DMBX1: variants seen among roughly 807,000 people sequenced by gnomAD.
DMBX1 encodes the protein diencephalon/mesencephalon homeobox 1, also known as diencephalon/mesencephalon homeobox protein 1.
Under a neutral mutation model 30.4 loss-of-function variants are expected in DMBX1, and 7 were observed. The observed-to-expected ratio is 0.23, with a 90% CI of 0.13 to 0.43. The LOEUF is 0.43. Ranked by LOEUF, DMBX1 falls within the 20% of genes least tolerant of loss-of-function variation. The pLI, the probability that DMBX1 is intolerant of heterozygous loss-of-function variation, is 1.00. For missense variants in DMBX1, 460 were observed against 508.5 expected (o/e 0.90, Z 0.92); for synonymous variants, 222 against 214.2 (o/e 1.04, Z -0.32).
rs1424205121 is a variant in DMBX1, at chr1:46,510,608, G to A, written c.287G>A (p.Arg96His). The change falls in exon 4 of 6, where the codon CGT (arginine) becomes CAT (histidine). Residue 96 changes from arginine (R) to histidine (H), a missense_variant. Arg to His is a conservative substitution (Grantham distance 29, BLOSUM62 0). This residue lies in a region of DMBX1 where 124 missense variants were observed against 144.0 expected (regional missense o/e 0.86). Transcript: ENST00000360032. This position sits in a 1 kb window ranked among gnomAD's most constrained non-coding sequence, Gnocchi z 4.1. Reference protein sequence around the residue: ...QKTHYPDVVMRERLAMCTNLP... With the variant: ...QKTHYPDVVMHERLAMCTNLP... ...ACTCACTACCCAGATGTGGTGATGCGTGAGAGGCTGGCCATGTGCACCAAC... is the reference window on the plus strand; with the variant it reads ...ACTCACTACCCAGATGTGGTGATGCATGAGAGGCTGGCCATGTGCACCAAC... 4.3e-6 allele frequency: 7 copies of A among 1,614,104 alleles called. No individual in the cohort carries two copies. Among genetic ancestry groups the A allele is most frequent in the South Asian group, 1.1e-5 (1 of 91,074 alleles).
Position 46,510,322 on chromosome 1 carries a change from AG to A in DMBX1, c.155-150del, listed in dbSNP as rs1666337568. 1 of 871,496 alleles carries A rather than the reference AG, an allele frequency of 1.1e-6. No homozygotes were observed. Among genetic ancestry groups the A allele is most frequent in the South Asian group, 1.8e-5 (1 of 55,760 alleles). The allele number at this position is 871,496 out of a possible 1,614,324, so 54.0% of individuals were successfully genotyped here. ...CTTGAAAGCCCACAGCCATATGGAG[AG>A]GGGATGGCTGATTTCTAAGGGTAAG... On this transcript the variant is annotated intron_variant, in intron 3 of 5. Coordinates refer to ENST00000360032, the MANE Select transcript of DMBX1 (RefSeq NM_172225.2). This position sits in a 1 kb window ranked among gnomAD's most constrained non-coding sequence, Gnocchi z 4.1.
At chr1:46,508,707 A>T (rs1238020244) in intron 3 of DMBX1, among the ~76,000 whole-genome samples, 2 of 152,178 alleles carry the variant, frequency 1.3e-5, no homozygotes, top group Admixed American at 6.5e-5. Context: ...CTTAGGAAGG[A>T]AGGACATGAA....
rs1479420901 is a variant in DMBX1, at chr1:46,512,221, C to T, written c.861C>T (p.Ala287=). The T allele has an allele frequency of 1.2e-6, 2 of 1,614,030 alleles. No individual in the cohort carries two copies. Among genetic ancestry groups the T allele is most frequent in the Non-Finnish European group, 8.5e-7 (1 of 1,179,976 alleles). Reference sequence around the variant, plus strand: ...CGTCCTTCGAAGTAGGGGGTCCGGCCCCTGCTGCTGCAGCGGCGGCTGCTG... The same window carrying T: ...CGTCCTTCGAAGTAGGGGGTCCGGCTCCTGCTGCTGCAGCGGCGGCTGCTG... ...HYSSFEVGGP[A]PAAAAAAAAV... is the part of the protein sequence containing the mutation. The change falls in exon 6 of 6, where the codon GCC becomes GCT. Residue 287 remains alanine (A), a synonymous_variant. Coordinates refer to ENST00000360032, the MANE Select transcript of DMBX1 (RefSeq NM_172225.2). This position sits in a 1 kb window ranked among gnomAD's most constrained non-coding sequence, Gnocchi z 4.8.
chr1:46,494,632 A>C (rs1439668506), intron 2 of DMBX1, among the ~76,000 whole-genome samples: 1 of 152,052 alleles, frequency 6.6e-6, no homozygotes, highest in Non-Finnish European at 1.5e-5. Flanking sequence ...CTGGGCCCCC[A>C]TCCCTGAGCC....
chr1:46,511,119 A>G lies in DMBX1; in HGVS notation c.518A>G (p.Glu173Gly), dbSNP rs1190556564. The change falls in exon 5 of 6, where the codon GAG becomes GGG. Residue 173 changes from glutamate to glycine, a missense_variant. Physicochemically the swap from Glu to Gly is moderately conservative, Grantham distance 98. Transcript: ENST00000360032. ...PRLPGSDPPA[E>G]LHLSLSEQSA... ...CTGCCTGGCAGCGACCCCCCTGCTG[A>G]GCTTCACCTGAGTCTGTCTGAGCAG... 8.7e-6 allele frequency: 14 copies of G among 1,613,892 alleles called. No individual in the cohort carries two copies. The highest frequency in any genetic ancestry group is 1.6e-4 in the Middle Eastern group (1 of 6,082).
In DMBX1 at chr1:46,493,684, A is replaced by G. The variant is rs1419774393; in HGVS notation, c.-13+2901A>G. Among the ~76,000 whole-genome samples the G allele has an allele frequency of 2.0e-5, 3 of 152,226 alleles. No individual in the cohort carries two copies. Among genetic ancestry groups the G allele is most frequent in the Non-Finnish European group, 4.4e-5 (3 of 68,042 alleles). On this transcript the variant is annotated intron_variant, in intron 2 of 5. Coordinates refer to ENST00000360032, the MANE Select transcript of DMBX1 (RefSeq NM_172225.2). The surrounding 1 kb of genome is among the most constrained non-coding windows in gnomAD (Gnocchi z 4.1). Reference sequence around the variant, plus strand: ...CGCTGCTTCCATGAGCCCCGAGGCCACTGGAGCCCACTGGGTTTCCCGGCC... The same window carrying G: ...CGCTGCTTCCATGAGCCCCGAGGCCGCTGGAGCCCACTGGGTTTCCCGGCC...
rs6698196 is a variant in DMBX1, at chr1:46,510,205, T to C, written c.155-271T>C. On this transcript the variant is annotated intron_variant, in intron 3 of 5. Transcript: ENST00000360032. The surrounding 1 kb of genome is among the most constrained non-coding windows in gnomAD (Gnocchi z 4.1). The stretch of plus-strand genomic sequence containing the variant: ...CCTACCCAATCCCAATGCCAAATAA[T>C]GAAGACCCCCCTCAATCATATGCCT... Among the ~76,000 whole-genome samples the C allele has an allele frequency of 0.31, 47,614 of 151,974 alleles. 9,764 individuals carry two copies. Among genetic ancestry groups the C allele is most frequent in the African/African-American group, 0.59 (24,380 of 41,410 alleles).
intron 2 of DMBX1, among the ~76,000 whole-genome samples, chr1:46,499,982 G>A (rs1666093108): frequency 6.6e-6 from 1 of 152,218 alleles, no homozygotes; most frequent in South Asian, 2.1e-4. Flanking sequence ...GGAGAGAGAT[G>A]CCTTGTCAGA....
chr1:46,502,694 C>G (rs141576154), intron 2 of DMBX1, among the ~76,000 whole-genome samples: 1,971 of 152,126 alleles, frequency 0.013, 20 homozygotes, highest in Non-Finnish European at 0.022. Flanking sequence ...TGAGACCAGC[C>G]TGGACAACAT....
At chr1:46,509,301 T>C (rs1390094043) in intron 3 of DMBX1, among the ~76,000 whole-genome samples, 1 of 152,170 alleles carries the variant, frequency 6.6e-6, no homozygotes, top group African/African-American at 2.4e-5. Flanking sequence ...CTCGAACTCC[T>C]GACCTCAGGT....
At chr1:46,508,039 C>T (rs1666274087) in intron 3 of DMBX1, among the ~76,000 whole-genome samples, 1 of 152,070 alleles carries the variant, frequency 6.6e-6, no homozygotes, top group South Asian at 2.1e-4. Flanking sequence ...CCCTGCCAGC[C>T]TCTCGGTGGG....
intron 2 of DMBX1, among the ~76,000 whole-genome samples, chr1:46,495,753 G>A (rs1485004487): frequency 6.6e-6 from 1 of 152,170 alleles, no homozygotes; most frequent in African/African-American, 2.4e-5. Context: ...GGGGATGGCA[G>A]GAGAGGCTTC....
intron 2 of DMBX1, among the ~76,000 whole-genome samples, chr1:46,506,216 C>T (rs891635280): frequency 1.3e-5 from 2 of 152,188 alleles, no homozygotes; most frequent in African/African-American, 4.8e-5. Flanking sequence ...CGCCACCATG[C>T]CCAGCTAATT....
chr1:46,501,296 T>C (rs1666133702), intron 2 of DMBX1, among the ~76,000 whole-genome samples: 4 of 146,930 alleles, frequency 2.7e-5, no homozygotes, highest in Admixed American at 1.4e-4. Flanking sequence ...TCCTTCTCTC[T>C]TTTTTTCTTT....
Position 46,510,757 on chromosome 1 carries a change from C to T in DMBX1, c.333+103C>T. On this transcript the variant is annotated intron_variant, in intron 4 of 5. Coordinates refer to ENST00000360032, the MANE Select transcript of DMBX1 (RefSeq NM_172225.2). The surrounding 1 kb of genome is among the most constrained non-coding windows in gnomAD (Gnocchi z 4.1). ...ATGTCATCCCTGTGCCAAGGTGCAA[C>T]TGATCTCTCCATCAAAGCCTTCAGT... 1 of 1,431,796 alleles carries T rather than the reference C, an allele frequency of 7.0e-7. No individual in the cohort carries two copies. The highest frequency in any genetic ancestry group is 1.4e-5 in the South Asian group (1 of 72,812). 88.7% of individuals were successfully genotyped at this position (1,431,796 alleles called of 1,614,324 possible). A position where few individuals can be genotyped will look rare whatever the true frequency, so the allele number is the denominator to read the frequency against.
At chr1:46,494,254 A>G (rs987529665) in intron 2 of DMBX1, among the ~76,000 whole-genome samples, 3 of 152,158 alleles carry the variant, frequency 2.0e-5, no homozygotes, top group African/African-American at 7.2e-5. Flanking sequence ...AAAAAGCAAC[A>G]AAAAAGTGGC....
chr1:46,489,922 G>C (rs902962325), intron 1 of DMBX1, among the ~76,000 whole-genome samples, 45 bp downstream of exon 1: 1 of 152,192 alleles, frequency 6.6e-6, no homozygotes, highest in Non-Finnish European at 1.5e-5. Context: ...AGTAGTGCGG[G>C]ACAGTCGCTG....
In DMBX1 at chr1:46,510,914, C is replaced by T; in HGVS notation, c.334-21C>T. On this transcript the variant is annotated intron_variant, in intron 4 of 5. Transcript: ENST00000360032. This position sits in a 1 kb window ranked among gnomAD's most constrained non-coding sequence, Gnocchi z 4.1. ...CCACTTCTTTCTTGCCCACCTCGGA[C>T]TGCTCCTTTCCCGTCCCCAGGTGTG... is the stretch of plus-strand genomic sequence containing the variant. 1 of 1,574,106 alleles carries T rather than the reference C, an allele frequency of 6.4e-7. No individual in the cohort carries two copies. Among genetic ancestry groups the T allele is most frequent in the Non-Finnish European group, 8.6e-7 (1 of 1,159,330 alleles).
chr1:46,502,453 C>T (rs368520980), intron 2 of DMBX1, among the ~76,000 whole-genome samples: 4 of 152,004 alleles, frequency 2.6e-5, no homozygotes, highest in South Asian at 4.1e-4. Context: ...TGACCATTTT[C>T]GGCACCTCCT....
Sources: allele counts gnomAD v4.1 joint callset (sites outside exome capture counted in the v4.1 genomes callset), GRCh38; gene constraint gnomAD v4.1.1; regional missense constraint gnomAD v4.1.1; non-coding constraint Gnocchi (gnomAD v3.1); transcripts MANE v1.5; gene names NCBI Gene and HGNC (gene_info 2026-07-23, HGNC 2026-07-21).